HS3ST4: variants seen among roughly 807,000 people sequenced by gnomAD.
HS3ST4 encodes heparan sulfate glucosamine 3-O-sulfotransferase 4.
Under a neutral mutation model 29.2 loss-of-function variants are expected in HS3ST4, and 17 were observed. The ratio of observed to expected loss-of-function variants is 0.58; its 90% CI spans 0.40 to 0.87. HS3ST4 has a LOEUF of 0.87. Among genes scored for constraint, HS3ST4 ranks in the 40% least tolerant of loss-of-function variants. The pLI is 0.00. For synonymous variants in HS3ST4, 314 were observed against 285.7 expected (o/e 1.10, Z -1.00); for missense variants, 627 against 634.5 (o/e 0.99, Z 0.13).
At chr16:25,973,567 C>A (rs574126997) in intron 1 of HS3ST4, among the ~76,000 whole-genome samples, 3 of 152,158 alleles carry the variant, frequency 2.0e-5, no homozygotes, top group African/African-American at 7.2e-5. Context: ...CACAAGAACT[C>A]GGAGCTAATG....
At chr16:25,829,143 A>C (rs1456318135) in intron 1 of HS3ST4, among the ~76,000 whole-genome samples, 1 of 152,242 alleles carries the variant, frequency 6.6e-6, no homozygotes, top group African/African-American at 2.4e-5. Flanking sequence ...CCACATGAAC[A>C]TTAAGGTTGT....
intron 1 of HS3ST4, among the ~76,000 whole-genome samples, chr16:25,755,172 C>T (rs986849277): frequency 5.3e-5 from 8 of 152,154 alleles, no homozygotes; most frequent in Non-Finnish European, 5.9e-5. Flanking sequence ...GTCACCTAGT[C>T]CTACTCCACA....
At chr16:25,953,553 G>C (rs556325085) in intron 1 of HS3ST4, among the ~76,000 whole-genome samples, 1 of 152,146 alleles carries the variant, frequency 6.6e-6, no homozygotes, top group Non-Finnish European at 1.5e-5. Flanking sequence ...TTTAAAGGGA[G>C]GGGACCCACC....
At chr16:25,737,844 T>C (rs1169342142) in intron 1 of HS3ST4, among the ~76,000 whole-genome samples, 1 of 152,008 alleles carries the variant, frequency 6.6e-6, no homozygotes, top group Non-Finnish European at 1.5e-5. Flanking sequence ...GCAGCAAAAC[T>C]TCATGTAATT....
At chr16:25,886,027 GTTT>G (rs34713423) in intron 1 of HS3ST4, among the ~76,000 whole-genome samples, 2 of 82,770 alleles carry the variant, frequency 2.4e-5, no homozygotes, top group African/African-American at 4.8e-5. Flanking sequence ...TCTTACTGTG[GTTT>G]TTTTTTTTTT....
At chr16:25,821,189 C>T (rs1216990801) in intron 1 of HS3ST4, among the ~76,000 whole-genome samples, 2 of 151,658 alleles carry the variant, frequency 1.3e-5, no homozygotes, top group African/African-American at 4.9e-5. Flanking sequence ...TCCCGAGTAG[C>T]TGGGACTACA....
At chr16:25,749,217 G>T (rs7187323) in intron 1 of HS3ST4, among the ~76,000 whole-genome samples, 136,140 of 152,270 alleles carry the variant, frequency 0.89, 60,947 homozygotes, top group Middle Eastern at 0.94. Context: ...TGTGGGGCCG[G>T]GTGCAGTGGC....
chr16:25,928,306 A>T (rs1390571859), intron 1 of HS3ST4, among the ~76,000 whole-genome samples: 2 of 152,098 alleles, frequency 1.3e-5, no homozygotes, highest in South Asian at 2.1e-4. Context: ...TCAAGGCTAC[A>T]GTGAGCTATG....
At chr16:25,913,724 G>A (rs1968262015) in intron 1 of HS3ST4, among the ~76,000 whole-genome samples, 1 of 151,988 alleles carries the variant, frequency 6.6e-6, no homozygotes, top group Non-Finnish European at 1.5e-5. Flanking sequence ...GTAGTGTGGT[G>A]TATGTGTATA....
At chr16:26,106,821 T>C (rs955163270) in intron 1 of HS3ST4, among the ~76,000 whole-genome samples, 3 of 152,184 alleles carry the variant, frequency 2.0e-5, no homozygotes, top group Admixed American at 2.0e-4. Context: ...ATATCCTTCA[T>C]GGAGTCACCT....
chr16:25,800,621 G>C (rs912640894), intron 1 of HS3ST4, among the ~76,000 whole-genome samples: 6 of 152,062 alleles, frequency 3.9e-5, no homozygotes, highest in African/African-American at 1.4e-4. Context: ...TTTGGCAGTG[G>C]TTCTCAGAGT....
chr16:25,919,620 A>G (rs1272516003), intron 1 of HS3ST4, among the ~76,000 whole-genome samples: 1 of 152,208 alleles, frequency 6.6e-6, no homozygotes, highest in African/African-American at 2.4e-5. Context: ...AGCCATGGCA[A>G]ATCTTAAAAT....
At chr16:25,968,976 C>T (rs1383123576) in intron 1 of HS3ST4, among the ~76,000 whole-genome samples, 1 of 152,106 alleles carries the variant, frequency 6.6e-6, no homozygotes, top group Admixed American at 6.5e-5. Context: ...CATGCCAAGA[C>T]ATCAGGCTAA....
At chr16:25,822,643 C>A (rs1422786621) in intron 1 of HS3ST4, among the ~76,000 whole-genome samples, 1 of 152,126 alleles carries the variant, frequency 6.6e-6, no homozygotes, top group African/African-American at 2.4e-5. Context: ...CTCTTCAGGT[C>A]CCTGATAGTG....
intron 1 of HS3ST4, among the ~76,000 whole-genome samples, chr16:26,056,670 A>G (rs1197082271): frequency 1.3e-5 from 2 of 152,222 alleles, no homozygotes; most frequent in East Asian, 3.8e-4. Context: ...TCTCCCTGCC[A>G]CTGCCCTGCT....
At chr16:25,939,619 G>A (rs1168700224) in intron 1 of HS3ST4, among the ~76,000 whole-genome samples, 3 of 152,100 alleles carry the variant, frequency 2.0e-5, no homozygotes, top group African/African-American at 7.2e-5. Context: ...GATTACAGGC[G>A]TGAGCCACCG....
intron 1 of HS3ST4, among the ~76,000 whole-genome samples, chr16:25,990,124 A>G (rs1014000479): frequency 6.6e-6 from 1 of 152,216 alleles, no homozygotes; most frequent in African/African-American, 2.4e-5. Flanking sequence ...GTGCTGAATA[A>G]TATTCCATCT....
At chr16:25,920,235 T>C (rs1486783768) in intron 1 of HS3ST4, among the ~76,000 whole-genome samples, 3 of 152,182 alleles carry the variant, frequency 2.0e-5, no homozygotes, top group Admixed American at 1.3e-4. Flanking sequence ...TAGATTTCAA[T>C]CCAGCAGCTA....
chr16:25,788,522 A>G (rs1478568378), intron 1 of HS3ST4, among the ~76,000 whole-genome samples: 2 of 115,396 alleles, frequency 1.7e-5, no homozygotes, highest in African/African-American at 6.4e-5. Flanking sequence ...ATCTTCCTAC[A>G]TTTTTTTTTC....
Sources: allele counts gnomAD v4.1 joint callset (sites outside exome capture counted in the v4.1 genomes callset), GRCh38; gene constraint gnomAD v4.1.1; transcripts MANE v1.5; gene names NCBI Gene and HGNC (gene_info 2026-07-23, HGNC 2026-07-21).